The following GALNT13 variants were observed in gnomAD, a reference collection of about 807,000 sequenced individuals.
GALNT13 encodes the protein UDP-GalNAc:polypeptide N-acetylgalactosaminyltransferase 13.
A neutral mutation model predicts 64.2 loss-of-function variants in GALNT13; 28 were observed. The ratio of observed to expected loss-of-function variants is 0.44; its 90% confidence interval spans 0.32 to 0.60. The LOEUF (loss-of-function observed/expected upper bound fraction) is 0.60. Among genes scored for constraint, GALNT13 ranks in the 20% least tolerant of loss-of-function variants. The pLI is 0.05. For synonymous variants in GALNT13, 214 were observed against 224.6 expected (o/e 0.95, Z 0.42); for missense variants, 577 against 669.8 (o/e 0.86, Z 1.53).
At chr2:154,413,589 G>A (rs893606743) in intron 11 of GALNT13, among the ~76,000 whole-genome samples, 4 of 151,780 alleles carry the variant, frequency 2.6e-5, no homozygotes, top group African/African-American at 9.7e-5. Flanking sequence ...ATGTCCCATC[G>A]GTCTCCTGTG....
At chr2:154,166,512 CTT>C (rs1459805936) in intron 4 of GALNT13, among the ~76,000 whole-genome samples, 5 of 152,190 alleles carry the variant, frequency 3.3e-5, no homozygotes, top group Admixed American at 3.3e-4. Context: ...AATAGGAACA[CTT>C]TTACACTGTT....
At chr2:153,129,156 A>G in the GALNT13 span, among the ~76,000 whole-genome samples, 2 of 152,164 alleles carry the variant, frequency 1.3e-5, no homozygotes, top group African/African-American at 4.8e-5. Flanking sequence ...TCTTCAGCTT[A>G]CCGGGGTACA....
At chr2:154,038,717 G>A (rs1423602629) in intron 3 of GALNT13, among the ~76,000 whole-genome samples, 2 of 151,970 alleles carry the variant, frequency 1.3e-5, no homozygotes, top group African/African-American at 2.4e-5. Flanking sequence ...AGATTTTATG[G>A]GTAGGACTAT....
At chr2:153,173,894 T>A in the GALNT13 span, among the ~76,000 whole-genome samples, 1 of 152,252 alleles carries the variant, frequency 6.6e-6, no homozygotes, top group Admixed American at 6.5e-5. Flanking sequence ...AGACAAGTTC[T>A]ATGTTTCTAA....
the GALNT13 span, among the ~76,000 whole-genome samples, chr2:153,322,011 C>A: frequency 0.67 from 100,978 of 150,268 alleles, 35,404 homozygotes; most frequent in Non-Finnish European, 0.79. Flanking sequence ...AATTTAAGTA[C>A]GGAAAAACTA....
the GALNT13 span, among the ~76,000 whole-genome samples, chr2:153,613,230 A>T: frequency 6.6e-6 from 1 of 152,130 alleles, no homozygotes; most frequent in Non-Finnish European, 1.5e-5. Flanking sequence ...CATATTTAAG[A>T]TTTTTCTAAA....
chr2:154,130,604 T>A (rs1370324555), intron 3 of GALNT13, among the ~76,000 whole-genome samples: 1 of 152,244 alleles, frequency 6.6e-6, no homozygotes, highest in Non-Finnish European at 1.5e-5. Context: ...ACTTGCCTCA[T>A]GCTTTCTGTG....
chr2:154,076,089 A>G (rs948761691), intron 3 of GALNT13, among the ~76,000 whole-genome samples: 15 of 151,682 alleles, frequency 9.9e-5, no homozygotes, highest in African/African-American at 3.6e-4. Context: ...ATTGTGGGCC[A>G]ACAGCAGCTC....
chr2:153,675,435 A>T, the GALNT13 span, among the ~76,000 whole-genome samples: 1 of 152,208 alleles, frequency 6.6e-6, no homozygotes, highest in African/African-American at 2.4e-5. Context: ...TCAGCAAACT[A>T]TCATAAGGAC....
chr2:153,915,022 G>A (rs1689234103), intron 2 of GALNT13, among the ~76,000 whole-genome samples: 1 of 152,100 alleles, frequency 6.6e-6, no homozygotes, highest in Admixed American at 6.6e-5. Flanking sequence ...CTCCCATGGG[G>A]CCCAAGCTCC....
chr2:153,865,132 T>G, the GALNT13 span, among the ~76,000 whole-genome samples: 1 of 126,336 alleles, frequency 7.9e-6, no homozygotes, highest in Non-Finnish European at 1.7e-5. Context: ...ACTGGATCCC[T>G]TCCTTACACC....
chr2:154,256,744 T>C (rs1050501864), intron 7 of GALNT13, among the ~76,000 whole-genome samples: 1 of 152,208 alleles, frequency 6.6e-6, no homozygotes, highest in Non-Finnish European at 1.5e-5. Flanking sequence ...TCTTTCCTAC[T>C]TACTATGTGT....
the GALNT13 span, among the ~76,000 whole-genome samples, chr2:153,182,044 T>TC: frequency 6.6e-6 from 1 of 151,126 alleles, no homozygotes; most frequent in Non-Finnish European, 1.5e-5. Flanking sequence ...TCTTTTCTTT[T>TC]CTTTTTTTTT....
At chr2:153,329,706 T>A in the GALNT13 span, among the ~76,000 whole-genome samples, 1 of 152,242 alleles carries the variant, frequency 6.6e-6, no homozygotes, top group Non-Finnish European at 1.5e-5. Flanking sequence ...TTTGTGAATA[T>A]TTCCTTCCAT....
chr2:153,782,291 C>T, the GALNT13 span, among the ~76,000 whole-genome samples: 1 of 152,124 alleles, frequency 6.6e-6, no homozygotes, highest in African/African-American at 2.4e-5. Flanking sequence ...AGCTAGATCA[C>T]ATTTCTCAGT....
At chr2:154,316,310 AAC>A (rs1189063783) in intron 9 of GALNT13, among the ~76,000 whole-genome samples, 3 of 152,188 alleles carry the variant, frequency 2.0e-5, no homozygotes, top group South Asian at 4.1e-4. Context: ...CGTTAACAAA[AAC>A]AGAGCAATAC....
chr2:153,836,961 T>C, the GALNT13 span, among the ~76,000 whole-genome samples: 2 of 152,072 alleles, frequency 1.3e-5, no homozygotes, highest in Admixed American at 1.3e-4. Flanking sequence ...AGTGCCGCAA[T>C]AAACATACAT....
chr2:153,991,904 T>C (rs1318186994), intron 3 of GALNT13, among the ~76,000 whole-genome samples: 2 of 152,170 alleles, frequency 1.3e-5, no homozygotes, highest in Non-Finnish European at 2.9e-5. Context: ...ATCACTCCTA[T>C]TTTACTAAGG....
the GALNT13 span, among the ~76,000 whole-genome samples, chr2:153,595,557 TAAG>T: frequency 6.6e-6 from 1 of 151,952 alleles, no homozygotes; most frequent in Non-Finnish European, 1.5e-5. Flanking sequence ...CTAATTAAAA[TAAG>T]AATGAATGGA....
Sources: allele counts gnomAD v4.1 joint callset (sites outside exome capture counted in the v4.1 genomes callset), GRCh38; gene constraint gnomAD v4.1.1; transcripts MANE v1.5; gene names NCBI Gene and HGNC (gene_info 2026-07-23, HGNC 2026-07-21).